The following DDX31 variants were observed in gnomAD, a reference collection of about 807,000 sequenced individuals.
DDX31 encodes the protein ATP-dependent DNA helicase DDX31.
Under a neutral mutation model 91.3 loss-of-function variants are expected in DDX31, and 70 were observed. That is an observed-to-expected ratio of 0.77 (90% CI 0.63 to 0.94). The LOEUF (loss-of-function observed/expected upper bound fraction) is 0.94, where lower values mean the gene tolerates loss of function less well. DDX31 is among the 40% of genes least tolerant of loss of function. The pLI is 0.00. For synonymous variants in DDX31, 362 were observed against 350.6 expected (o/e 1.03, Z -0.36); for missense variants, 902 against 925.0 (o/e 0.98, Z 0.32).
chr9:132,602,683 G>A (rs563404875), intron 19 of DDX31, among the ~76,000 whole-genome samples: 9 of 152,196 alleles, frequency 5.9e-5, no homozygotes, highest in Non-Finnish European at 1.2e-4. Flanking sequence ...AAACATCTAC[G>A]ACCCACTCTT....
intron 18 of DDX31, among the ~76,000 whole-genome samples, chr9:132,616,267 G>A (rs1831621732): frequency 6.6e-6 from 1 of 152,162 alleles, no homozygotes; most frequent in Admixed American, 6.5e-5. Flanking sequence ...TAAGAGACAT[G>A]ATACGTTTAT....
At chr9:132,637,947 T>C in intron 14 of DDX31, 2 of 1,009,730 alleles carry the variant, frequency 2.0e-6, no homozygotes, top group Non-Finnish European at 2.4e-6. Flanking sequence ...CCTAGCCTCC[T>C]GGCACGGTGG....
At chr9:132,643,286 T>C (rs1162385306) in intron 13 of DDX31, among the ~76,000 whole-genome samples, 2 of 152,208 alleles carry the variant, frequency 1.3e-5, no homozygotes, top group South Asian at 2.1e-4. Context: ...AACGGCGCAT[T>C]CTGAGTGCTC....
At chr9:132,610,102 G>A (rs1389314132) in intron 19 of DDX31, among the ~76,000 whole-genome samples, 1 of 152,180 alleles carries the variant, frequency 6.6e-6, no homozygotes, top group Middle Eastern at 3.2e-3. Flanking sequence ...CATGAGTACT[G>A]GGGAGAGCAG....
intron 14 of DDX31, chr9:132,638,044 AAGC>A: frequency 8.3e-7 from 1 of 1,199,396 alleles, no homozygotes; most frequent in Non-Finnish European, 1.0e-6. Context: ...AGGTGGAGGA[AAGC>A]AGCACAGGTG....
intron 15 of DDX31, 21 bp downstream of exon 15, chr9:132,632,020 C>T (rs373264211): frequency 6.2e-7 from 1 of 1,609,964 alleles, no homozygotes; most frequent in Non-Finnish European, 8.5e-7. Flanking sequence ...AAAGCTTACA[C>T]CTTAACAACT....
At chr9:132,623,551 C>CAAAAAAAAAAAAAAA (rs34868804) in intron 17 of DDX31, among the ~76,000 whole-genome samples, 1 of 66,752 alleles carries the variant, frequency 1.5e-5, no homozygotes, top group Non-Finnish European at 2.8e-5. Context: ...GACTCCATCT[C>CAAAAAAAAAAAAAAA]AAAAAAAAAA....
intron 15 of DDX31, among the ~76,000 whole-genome samples, chr9:132,631,815 C>G (rs1832741389): frequency 6.6e-6 from 1 of 152,092 alleles, no homozygotes; most frequent in African/African-American, 2.4e-5. Context: ...GAGAGCCTGC[C>G]ACCTCCCTCT....
At chr9:132,647,542 G>T (rs1174219036) in intron 11 of DDX31, among the ~76,000 whole-genome samples, 1 of 152,080 alleles carries the variant, frequency 6.6e-6, no homozygotes, top group Non-Finnish European at 1.5e-5. Context: ...AGAACATAGG[G>T]AACTGTGAGG....
At position 132,610,380 on chromosome 9, in the gene DDX31, T is replaced by G. The variant is rs145603179; in HGVS notation, c.1994+1707A>C. ...GCAGCACATAGAAACAGTTTCTGTT[T>G]GTTTTTCCTCAAAGAATTACTGGAG... On this transcript the variant is annotated intron_variant, in intron 19 of 19. Transcript: ENST00000372159. 2.3e-3 allele frequency among the ~76,000 whole-genome samples: 357 copies of G among 152,340 alleles called. 3 individuals are homozygous for G. Among genetic ancestry groups the G allele is most frequent in the African/African-American group, 8.2e-3 (341 of 41,572 alleles).
intron 18 of DDX31, among the ~76,000 whole-genome samples, chr9:132,614,094 C>G (rs1831499759): frequency 1.3e-5 from 2 of 152,162 alleles, no homozygotes; most frequent in Non-Finnish European, 2.9e-5. Flanking sequence ...ACAGCTTAAA[C>G]ATAATATCCC....
chr9:132,616,885 T>C (rs1032632723), intron 18 of DDX31, among the ~76,000 whole-genome samples: 8 of 152,206 alleles, frequency 5.3e-5, no homozygotes, highest in Non-Finnish European at 1.5e-5. Context: ...AATTATAATG[T>C]GCTAAAGGTA....
intron 19 of DDX31, among the ~76,000 whole-genome samples, chr9:132,596,534 T>C (rs898072433): frequency 6.6e-6 from 1 of 152,200 alleles, no homozygotes; most frequent in Non-Finnish European, 1.5e-5. Flanking sequence ...GAAGACTTCC[T>C]GGGGTCTGTG....
intron 19 of DDX31, among the ~76,000 whole-genome samples, chr9:132,611,613 C>A (rs539858777): frequency 6.6e-6 from 1 of 152,062 alleles, no homozygotes; most frequent in Non-Finnish European, 1.5e-5. Context: ...AAGGGCTCAC[C>A]GCTCTTGCCT....
At chr9:132,603,199 T>C (rs897214606) in intron 19 of DDX31, among the ~76,000 whole-genome samples, 9 of 152,240 alleles carry the variant, frequency 5.9e-5, no homozygotes, top group African/African-American at 9.6e-5. Flanking sequence ...ATGCACAAAG[T>C]GTCACATGCT....
chr9:132,633,252 T>C lies in DDX31; in HGVS notation c.1441-1161A>G, dbSNP rs114811315. Reference sequence around the variant, plus strand: ...CATTCCACCATCAAAAATGATCCCATGTCCCTCATATGCTGCTGGTGGGAA... The same window carrying C: ...CATTCCACCATCAAAAATGATCCCACGTCCCTCATATGCTGCTGGTGGGAA... On this transcript the variant is annotated intron_variant, in intron 14 of 19. Coordinates refer to ENST00000372159, the MANE Select transcript of DDX31 (RefSeq NM_022779.9). Among the ~76,000 whole-genome samples, 1,034 of 152,328 alleles carry C rather than the reference T, an allele frequency of 6.8e-3. 12 individuals are homozygous for C. The highest frequency in any genetic ancestry group is 0.024 in the African/African-American group (985 of 41,560).
chr9:132,601,839 C>T lies in DDX31; in HGVS notation c.1995-6727G>A, dbSNP rs536026475. Among the ~76,000 whole-genome samples, 337 of 152,298 alleles carry T rather than the reference C, an allele frequency of 2.2e-3. 2 individuals are homozygous for T. The highest frequency in any genetic ancestry group is 3.8e-3 in the Non-Finnish European group (258 of 68,024). ...GGCTGTAGAACTGATTCTGGAAGTT[C>T]GGCCAAGGTACTTATTTCTCTAAGT... On this transcript the variant is annotated intron_variant, in intron 19 of 19. Transcript: ENST00000372159.
chr9:132,656,783 G>C (rs1834596849), intron 6 of DDX31, among the ~76,000 whole-genome samples: 1 of 152,138 alleles, frequency 6.6e-6, no homozygotes, highest in South Asian at 2.1e-4. Context: ...TCTTCAACTG[G>C]TATAAAGAAA....
chr9:132,629,843 C>CAG (rs1020526539), intron 16 of DDX31, among the ~76,000 whole-genome samples: 1 of 152,144 alleles, frequency 6.6e-6, no homozygotes, highest in Non-Finnish European at 1.5e-5. Flanking sequence ...CCCCTGGGTT[C>CAG]ATCTTCCTGG....
Sources: gnomAD v4.1 joint callset for allele counts (sites outside exome capture counted in the v4.1 genomes callset) on GRCh38, gnomAD v4.1.1 for gene constraint, MANE v1.5 for transcripts, NCBI Gene and HGNC (gene_info 2026-07-23, HGNC 2026-07-21) for gene names.